VTI1A: variants seen among roughly 807,000 people sequenced by gnomAD.
VTI1A encodes the protein vesicle transport through interaction with t-SNAREs homolog 1A.
A neutral mutation model predicts 34.9 loss-of-function variants in VTI1A; 22 were observed. That is an observed-to-expected ratio of 0.63 (90% CI 0.45 to 0.90). The LOEUF is 0.90. Among genes scored for constraint, VTI1A ranks in the 40% least tolerant of loss-of-function variants. VTI1A has a pLI of 0.00. For synonymous variants in VTI1A, 87 were observed against 97.3 expected, an observed-to-expected ratio of 0.89 and a Z score of 0.62; for missense variants, 268 against 275.6, an observed-to-expected ratio of 0.97 and a Z score of 0.20.
At chr10:112,496,185 A>G (rs1287002893) in intron 3 of VTI1A, among the ~76,000 whole-genome samples, 1 of 27,840 alleles carries the variant, frequency 3.6e-5, no homozygotes, top group African/African-American at 1.5e-4. Flanking sequence ...AAATGGGGAG[A>G]CCCCCCCCCC....
chr10:112,838,757 G>A, the VTI1A span, among the ~76,000 whole-genome samples: 2 of 152,202 alleles, frequency 1.3e-5, no homozygotes, highest in African/African-American at 2.4e-5. Flanking sequence ...GGCATCTGGC[G>A]CCACGGAAGT....
chr10:112,471,367 A>ATTTTTTTTTTTTTTTTTTTTTTTTTTT (rs576549183), intron 3 of VTI1A, among the ~76,000 whole-genome samples: 2 of 94,400 alleles, frequency 2.1e-5, no homozygotes, highest in Non-Finnish European at 4.2e-5. Context: ...ATTCTTATTG[A>ATTTTTTTTTTTTTTTTTTTTTTTTTTT]TTTTTTTTTT....
At chr10:112,754,093 C>G (rs539055516) in intron 7 of VTI1A, among the ~76,000 whole-genome samples, 2 of 152,248 alleles carry the variant, frequency 1.3e-5, no homozygotes, top group African/African-American at 2.4e-5. Flanking sequence ...TTGCACTCTG[C>G]AAAAACAAGA....
At chr10:112,851,071 G>C in the VTI1A span, among the ~76,000 whole-genome samples, 1 of 152,196 alleles carries the variant, frequency 6.6e-6, no homozygotes, top group Non-Finnish European at 1.5e-5. Context: ...TGGAAGATTG[G>C]CTTTAAGATG....
At position 112,816,644 on chromosome 10, in the gene VTI1A, C is replaced by T. The variant is rs183754221; in HGVS notation, c.*1261C>T. 1 of 227,264 alleles carries T rather than the reference C, an allele frequency of 4.4e-6. No homozygotes were observed. Among genetic ancestry groups the T allele is most frequent in the East Asian group, 6.3e-5 (1 of 15,786 alleles). The allele number at this position is 227,264 out of a possible 1,614,324, so 14.1% of individuals were successfully genotyped here. ...CAAGCTGAGGTCGTTTCCCCCCAGT[C>T]ACAAAGCAGAATGTTTTTCTCAAGA... On this transcript the variant is annotated 3_prime_UTR_variant, in exon 8 of 8. Transcript: ENST00000393077.
chr10:112,571,635 G>A (rs950306702), intron 5 of VTI1A, among the ~76,000 whole-genome samples: 13 of 152,082 alleles, frequency 8.5e-5, no homozygotes, highest in South Asian at 8.3e-4. Flanking sequence ...CCCATTACTG[G>A]ATATGTATAT....
At position 112,464,885 on chromosome 10, in the gene VTI1A, C is replaced by T. The variant is rs562543679; in HGVS notation, c.264+228C>T. 5.3e-5 allele frequency: 29 copies of T among 551,484 alleles called. No individual in the cohort carries two copies. The Admixed American group carries it at 5.8e-4, about 11-fold the overall frequency. The allele number at this position is 551,484 out of a possible 1,614,324, so 34.2% of individuals were successfully genotyped here. On this transcript the variant is annotated intron_variant, in intron 3 of 7. Transcript: ENST00000393077. ...ACAAATAGATCCAAATCATGCGGCC[C>T]TTTGAGTCTGAATGGTATTTACTGA...
chr10:112,462,896 TTTTATTTA>T (rs59884374), intron 2 of VTI1A, among the ~76,000 whole-genome samples: 4,525 of 144,814 alleles, frequency 0.031, 72 homozygotes, highest in Non-Finnish European at 0.035. Flanking sequence ...TGTTACTGGT[TTTTATTTA>T]TTTATTTATT....
chr10:112,465,558 A>T (rs770991361), intron 3 of VTI1A, among the ~76,000 whole-genome samples: 1 of 152,266 alleles, frequency 6.6e-6, no homozygotes, highest in Non-Finnish European at 1.5e-5. Context: ...GTCACATGCA[A>T]CAACTTGAAT....
At chr10:112,665,510 A>G (rs1223498161) in intron 5 of VTI1A, among the ~76,000 whole-genome samples, 3 of 152,168 alleles carry the variant, frequency 2.0e-5, no homozygotes, top group Non-Finnish European at 4.4e-5. Context: ...TCTTGCCAAT[A>G]TCTCTTCTCT....
intron 5 of VTI1A, among the ~76,000 whole-genome samples, chr10:112,556,646 A>G (rs1227146716): frequency 2.0e-5 from 3 of 151,958 alleles, no homozygotes; most frequent in Admixed American, 6.6e-5. Context: ...AAATGAAGCT[A>G]TTTCTTTGTG....
intron 7 of VTI1A, among the ~76,000 whole-genome samples, chr10:112,783,531 T>C (rs1227204013): frequency 6.6e-6 from 1 of 152,174 alleles, no homozygotes; most frequent in African/African-American, 2.4e-5. Context: ...TGGACCCTAA[T>C]GAGATTTCAA....
the VTI1A span, among the ~76,000 whole-genome samples, chr10:112,838,322 G>T: frequency 2.6e-4 from 40 of 152,318 alleles, no homozygotes; most frequent in African/African-American, 9.1e-4. Flanking sequence ...GCTGCTAGGG[G>T]GTCCCAGGGA....
intron 7 of VTI1A, among the ~76,000 whole-genome samples, chr10:112,681,273 A>G (rs1848207869): frequency 6.6e-6 from 1 of 151,730 alleles, no homozygotes; most frequent in East Asian, 1.9e-4. Flanking sequence ...TAGAGACAGG[A>G]TCTCCTTATA....
the VTI1A span, among the ~76,000 whole-genome samples, chr10:112,829,361 A>G: frequency 6.7e-6 from 1 of 149,998 alleles, no homozygotes; most frequent in Non-Finnish European, 1.5e-5. Context: ...GGAGAATGGC[A>G]TGAACCCGGG....
chr10:112,634,500 GACACACACACACATACACACACAC>G (rs1456699879), intron 5 of VTI1A, among the ~76,000 whole-genome samples: 1 of 96,858 alleles, frequency 1.0e-5, no homozygotes, highest in Non-Finnish European at 2.1e-5. Context: ...CACACACACA[GACACACACACACATACACACACAC>G]ACACACACAC....
Position 112,817,268 on chromosome 10 carries a change from G to C in VTI1A, c.*1885G>C, listed in dbSNP as rs532634855. The stretch of plus-strand genomic sequence containing the variant: ...TATAACCAGTTACCAGCTGCACTTC[G>C]CACGGCCATCCCGTCCACAATGCAG... On this transcript the variant is annotated 3_prime_UTR_variant, in exon 8 of 8. Transcript: ENST00000393077. 3 of 231,870 alleles carry C rather than the reference G, an allele frequency of 1.3e-5. No individual in the cohort carries two copies. Among genetic ancestry groups the C allele is most frequent in the East Asian group, 6.1e-5 (1 of 16,460 alleles). The allele number at this position is 231,870 out of a possible 1,614,324, so 14.4% of individuals were successfully genotyped here.
chr10:112,483,749 C>A (rs1418037916), intron 3 of VTI1A, among the ~76,000 whole-genome samples: 1 of 149,544 alleles, frequency 6.7e-6, no homozygotes, highest in African/African-American at 2.5e-5. Context: ...GAGAGCCACT[C>A]AGTCTAGAAT....
At position 112,811,683 on chromosome 10, in the gene VTI1A, CAAAAAAAAA is replaced by C. The variant is rs869030543; in HGVS notation, c.561-3586_561-3578del. ...TGGGCGACAGAGCGAGACTCCGTCT[CAAAAAAAAA>C]AAAAAAAAAAAAAAAAAAAAGAGTG... On this transcript the variant is annotated intron_variant, in intron 7 of 7. Coordinates refer to ENST00000393077, the MANE Select transcript of VTI1A (RefSeq NM_145206.4). Among the ~76,000 whole-genome samples the C allele has an allele frequency of 0.01, 121 of 11,842 alleles. 7 individuals are homozygous for C. In the East Asian group the frequency reaches 0.2, roughly 19 times the overall value. 7.8% of individuals were successfully genotyped at this position (11,842 alleles called of 152,430 possible). A position where few individuals can be genotyped will look rare whatever the true frequency, so the allele number is the denominator to read the frequency against.
Sources: gnomAD v4.1 joint callset for allele counts (sites outside exome capture counted in the v4.1 genomes callset) on GRCh38, gnomAD v4.1.1 for gene constraint, MANE v1.5 for transcripts, NCBI Gene and HGNC (gene_info 2026-07-23, HGNC 2026-07-21) for gene names.